Variants in NBAS observed in about 807,000 individuals in gnomAD.
The protein encoded by NBAS is NBAS subunit of NRZ tethering complex, also known as NAG/BC035112 fusion.
Under a neutral mutation model 302.5 loss-of-function variants are expected in NBAS, and 219 were observed. The observed-to-expected ratio is 0.72, with a 90% CI of 0.65 to 0.81. The LOEUF is 0.81. NBAS is among the 30% of genes least tolerant of loss of function. NBAS has a pLI of 0.00. For synonymous variants in NBAS, 1,118 were observed against 1,021.6 expected (o/e 1.09, Z -1.80); for missense variants, 2,932 against 2,841.6 (o/e 1.03, Z -0.72).
chr2:14,899,050 C>T, the NBAS span, among the ~76,000 whole-genome samples: 2 of 152,176 alleles, frequency 1.3e-5, no homozygotes, highest in Non-Finnish European at 2.9e-5. Flanking sequence ...CAGGCATTTC[C>T]TCCCCCAGTG....
At chr2:15,401,241 A>T (rs1404757813) in intron 26 of NBAS, among the ~76,000 whole-genome samples, 1 of 151,946 alleles carries the variant, frequency 6.6e-6, no homozygotes, top group Non-Finnish European at 1.5e-5. Context: ...TGCATGAATA[A>T]CTCTTTCATG....
the NBAS span, among the ~76,000 whole-genome samples, chr2:14,981,348 G>A: frequency 6.6e-6 from 1 of 152,200 alleles, no homozygotes; most frequent in East Asian, 1.9e-4. Context: ...GATTTTAACA[G>A]AAAATTCTCT....
chr2:14,847,266 C>T, the NBAS span, among the ~76,000 whole-genome samples: 1 of 151,142 alleles, frequency 6.6e-6, no homozygotes, highest in Non-Finnish European at 1.5e-5. Context: ...ACCTGTAGTC[C>T]CAGCTACTTG....
the NBAS span, among the ~76,000 whole-genome samples, chr2:14,899,832 G>A: frequency 6.6e-6 from 1 of 151,778 alleles, no homozygotes; most frequent in African/African-American, 2.4e-5. Flanking sequence ...GATTTCAGGA[G>A]CCTAAGAAAA....
At chr2:14,843,644 T>C in the NBAS span, among the ~76,000 whole-genome samples, 1 of 151,856 alleles carries the variant, frequency 6.6e-6, no homozygotes, top group Non-Finnish European at 1.5e-5. Flanking sequence ...TTTAACTTCA[T>C]ATAACTGAAA....
At position 15,238,480 on chromosome 2, in the gene NBAS, C is replaced by G; in HGVS notation, c.5931G>C (p.Lys1977Asn). Residue 1977 changes from lysine to asparagine, a missense_variant, in exon 45 of 52, where the codon AAG becomes AAC. Coordinates refer to ENST00000281513, the MANE Select transcript of NBAS (RefSeq NM_015909.4). ...TLSHSFILSL[K>N]NSEQETLQKY... is the part of the protein sequence containing the mutation. ...CCCATTTCTTTACCTGCTCACTATT[C>G]TTCAGAGAAAGGATGAAGCTGTGGC... The G allele has an allele frequency of 6.2e-7, 1 of 1,614,106 alleles. No homozygotes were observed. Among genetic ancestry groups the G allele is most frequent in the Non-Finnish European group, 8.5e-7 (1 of 1,179,966 alleles).
Position 15,405,939 on chromosome 2 carries a change from T to G in NBAS, c.2938-3638A>C, listed in dbSNP as rs535732904. 2.0e-5 allele frequency among the ~76,000 whole-genome samples: 3 copies of G among 152,006 alleles called. No individual in the cohort carries two copies. In the East Asian group the frequency reaches 5.8e-4, roughly 29 times the overall value. ...GAATACATAAACTAATAGAACAACA[T>G]CCGCTATTATTGGATAAGATGACTG... On this transcript the variant is annotated intron_variant, in intron 25 of 51. Transcript: ENST00000281513.
At chr2:15,543,644 G>C (rs1462490843) in intron 6 of NBAS, among the ~76,000 whole-genome samples, 1 of 152,176 alleles carries the variant, frequency 6.6e-6, no homozygotes, top group Non-Finnish European at 1.5e-5. Flanking sequence ...TGAGGAAGAT[G>C]CAAAAGCAGA....
intron 40 of NBAS, among the ~76,000 whole-genome samples, chr2:15,305,495 C>T (rs540723943): frequency 6.7e-6 from 1 of 149,166 alleles, no homozygotes; most frequent in Admixed American, 6.7e-5. Flanking sequence ...TCTTGTTGCC[C>T]AGGCGGAGTG....
the NBAS span, among the ~76,000 whole-genome samples, chr2:14,939,030 C>A: frequency 6.6e-6 from 1 of 152,226 alleles, no homozygotes. Context: ...ACCACCAGTG[C>A]CTATTAAGTA....
At chr2:15,013,585 A>T in the NBAS span, among the ~76,000 whole-genome samples, 1 of 152,128 alleles carries the variant, frequency 6.6e-6, no homozygotes, top group Non-Finnish European at 1.5e-5. Flanking sequence ...GGAGTTCAAG[A>T]TCAGTCTAGC....
chr2:14,866,479 T>C, the NBAS span, among the ~76,000 whole-genome samples: 1 of 152,210 alleles, frequency 6.6e-6, no homozygotes. Flanking sequence ...AACCATAATA[T>C]TATCCATATT....
chr2:14,964,654 T>C, the NBAS span, among the ~76,000 whole-genome samples: 2 of 152,128 alleles, frequency 1.3e-5, no homozygotes, highest in East Asian at 1.9e-4. Context: ...GAAAAGGATA[T>C]AGAATATAGG....
At chr2:15,102,735 G>C in the NBAS span, among the ~76,000 whole-genome samples, 30 of 152,024 alleles carry the variant, frequency 2.0e-4, no homozygotes, top group African/African-American at 6.3e-4. Flanking sequence ...TTGCCTATGG[G>C]TTATAATTAC....
chr2:15,160,616 C>T, the NBAS span, among the ~76,000 whole-genome samples: 3 of 147,194 alleles, frequency 2.0e-5, no homozygotes, highest in Admixed American at 2.1e-4. Flanking sequence ...GAGGCTGGAC[C>T]AGGTGATCCC....
chr2:14,912,702 TTAAAAAAAA>T, the NBAS span, among the ~76,000 whole-genome samples: 1 of 101,276 alleles, frequency 9.9e-6, no homozygotes, highest in African/African-American at 3.7e-5. Context: ...GCATTCATTT[TTAAAAAAAA>T]AAAAAAAAAA....
At chr2:14,819,220 A>G in the NBAS span, among the ~76,000 whole-genome samples, 1 of 152,232 alleles carries the variant, frequency 6.6e-6, no homozygotes, top group East Asian at 1.9e-4. Context: ...TGCTCGGAAC[A>G]TGTTTGTGAA....
downstream of NBAS, among the ~76,000 whole-genome samples, chr2:15,162,332 AC>A (rs1364799248): frequency 6.6e-6 from 1 of 151,992 alleles, no homozygotes; most frequent in Non-Finnish European, 1.5e-5. Flanking sequence ...CAGCTTCAGA[AC>A]CCCCCTAGGT....
At chr2:15,072,807 C>T in the NBAS span, among the ~76,000 whole-genome samples, 1 of 152,124 alleles carries the variant, frequency 6.6e-6, no homozygotes, top group Non-Finnish European at 1.5e-5. Context: ...AAACAATTAT[C>T]AACATCAAAG....
Sources: allele counts gnomAD v4.1 joint callset (sites outside exome capture counted in the v4.1 genomes callset), GRCh38; gene constraint gnomAD v4.1.1; transcripts MANE v1.5; gene names NCBI Gene and HGNC (gene_info 2026-07-23, HGNC 2026-07-21).